The following AFF2 variants were observed in gnomAD, a reference collection of about 807,000 sequenced individuals.
AFF2 encodes the protein AF4/FMR2 family member 2.
Under a neutral mutation model 76.9 loss-of-function variants are expected in AFF2, and 14 were observed. The ratio of observed to expected loss-of-function variants is 0.18; its 90% CI spans 0.12 to 0.28. The LOEUF (loss-of-function observed/expected upper bound fraction) is 0.28. AFF2 is among the 10% of genes least tolerant of loss of function. The pLI is 1.00. For synonymous variants in AFF2, 398 were observed against 366.7 expected (o/e 1.09, Z -0.98); for missense variants, 868 against 1,001.1 (o/e 0.87, Z 1.79).
intron 3 of AFF2, among the ~76,000 whole-genome samples, chrX:148,665,824 T>C (rs1291553236): frequency 2.7e-5 from 3 of 111,805 alleles, no homozygotes; most frequent in African/African-American, 9.8e-5. Context: ...AGTGTAGCCA[T>C]CTTTGATGAG....
intron 3 of AFF2, among the ~76,000 whole-genome samples, chrX:148,793,269 G>A (rs2069923817): frequency 9.1e-6 from 1 of 110,008 alleles, no homozygotes; most frequent in African/African-American, 3.3e-5. Flanking sequence ...GGGGAGGGCA[G>A]GGCCTACACT....
intron 3 of AFF2, among the ~76,000 whole-genome samples, chrX:148,665,245 G>T (rs1173591716): frequency 1.8e-5 from 2 of 111,961 alleles, no homozygotes; most frequent in South Asian, 3.8e-4. Context: ...CTTTCACTCA[G>T]TGCTCTGGCA....
intron 3 of AFF2, among the ~76,000 whole-genome samples, chrX:148,802,342 T>C (rs1197305166): frequency 8.9e-6 from 1 of 112,164 alleles, no homozygotes; most frequent in East Asian, 2.8e-4. Context: ...GTATGTTTGA[T>C]GTTAGCATAA....
chrX:148,676,341 C>T (rs909994896), intron 3 of AFF2, among the ~76,000 whole-genome samples: 10 of 111,874 alleles, frequency 8.9e-5, no homozygotes, highest in East Asian at 5.7e-4. Context: ...CCACCACGCC[C>T]GGCCCGTGAT....
At chrX:148,805,018 A>T (rs1242749364) in intron 3 of AFF2, among the ~76,000 whole-genome samples, 1 of 112,091 alleles carries the variant, frequency 8.9e-6, no homozygotes, top group Non-Finnish European at 1.9e-5. Context: ...AACGATGGGA[A>T]TTACAAATTT....
At chrX:148,754,196 C>G (rs2055534156) in intron 3 of AFF2, among the ~76,000 whole-genome samples, 1 of 111,445 alleles carries the variant, frequency 9.0e-6, no homozygotes, top group South Asian at 3.8e-4. Context: ...ACAATAGATG[C>G]CATTATGCCA....
At chrX:148,504,655 G>T (rs1398177460) in intron 1 of AFF2, among the ~76,000 whole-genome samples, 3 of 113,296 alleles carry the variant, frequency 2.6e-5, no homozygotes, top group Non-Finnish European at 3.7e-5. Context: ...TCCTCCTCCG[G>T]TAAAGGCAGC....
intron 9 of AFF2, among the ~76,000 whole-genome samples, chrX:148,939,485 A>G (rs1381416947): frequency 5.3e-5 from 6 of 112,167 alleles, no homozygotes; most frequent in African/African-American, 1.9e-4. Flanking sequence ...ATGAATGTGC[A>G]TATGTGTATG....
chrX:148,680,922 C>T (rs1304280566), intron 3 of AFF2, among the ~76,000 whole-genome samples: 1 of 111,203 alleles, frequency 9.0e-6, no homozygotes. Context: ...AAATCTCTAC[C>T]CCCATGTCTC....
chrX:148,832,175 TGAAG>T (rs1557273399), intron 4 of AFF2, among the ~76,000 whole-genome samples: 1 of 110,503 alleles, frequency 9.0e-6, no homozygotes, highest in African/African-American at 3.3e-5. Flanking sequence ...AAAGAAAAAC[TGAAG>T]GAAGGAAGGA....
At chrX:148,960,791 T>G (rs1557287921) in intron 12 of AFF2, among the ~76,000 whole-genome samples, 1 of 112,335 alleles carries the variant, frequency 8.9e-6, no homozygotes, top group African/African-American at 3.2e-5. Flanking sequence ...TTAGAGCTGG[T>G]ACCTTCAGCA....
chrX:148,988,638 T>C (rs1309523744), intron 20 of AFF2, among the ~76,000 whole-genome samples: 1 of 111,896 alleles, frequency 8.9e-6, no homozygotes, highest in Non-Finnish European at 1.9e-5. Context: ...TCTACAAAGA[T>C]TTATTATCTT....
chrX:148,741,533 G>A (rs940664098), intron 3 of AFF2, among the ~76,000 whole-genome samples: 2 of 110,641 alleles, frequency 1.8e-5, no homozygotes, highest in Non-Finnish European at 3.8e-5. Context: ...AGGGCGAGAC[G>A]GACTTGAAAA....
At chrX:148,962,677 A>G in intron 12 of AFF2, 38 bp from the exon 13 acceptor site, 1 of 1,103,591 alleles carries the variant, frequency 9.1e-7, no homozygotes. Context: ...AAAGAGAGAG[A>G]AGACTTTATG....
At chrX:148,734,580 G>A (rs559146013) in intron 3 of AFF2, among the ~76,000 whole-genome samples, 1 of 111,607 alleles carries the variant, frequency 9.0e-6, no homozygotes. Flanking sequence ...GATATCTACT[G>A]AAGATGGGTC....
At chrX:148,906,741 G>A (rs1384065873) in intron 9 of AFF2, among the ~76,000 whole-genome samples, 1 of 111,407 alleles carries the variant, frequency 9.0e-6, no homozygotes, top group Non-Finnish European at 1.9e-5. Flanking sequence ...GTCCATGTTT[G>A]TTCCGGCTCA....
At chrX:148,675,031 G>A (rs192554538) in intron 3 of AFF2, among the ~76,000 whole-genome samples, 1 of 112,055 alleles carries the variant, frequency 8.9e-6, no homozygotes, top group African/African-American at 3.2e-5. Flanking sequence ...GTGCATGCAC[G>A]TATGCATGTG....
At chrX:148,708,573 C>T (rs186556734) in intron 3 of AFF2, among the ~76,000 whole-genome samples, 27 of 111,864 alleles carry the variant, frequency 2.4e-4, no homozygotes, top group African/African-American at 8.1e-4. Flanking sequence ...TTTCATGGGT[C>T]AACTTGTTTG....
chrX:148,624,560 T>C (rs1413033179), intron 1 of AFF2, among the ~76,000 whole-genome samples: 3 of 112,382 alleles, frequency 2.7e-5, no homozygotes, highest in African/African-American at 9.7e-5. Context: ...TATTGAACAA[T>C]GATAATCAGA....
Sources: gnomAD v4.1 joint callset for allele counts (sites outside exome capture counted in the v4.1 genomes callset) on GRCh38, gnomAD v4.1.1 for gene constraint, MANE v1.5 for transcripts, NCBI Gene and HGNC (gene_info 2026-07-23, HGNC 2026-07-21) for gene names.